The following MGMT variants were observed in gnomAD, a reference collection of about 807,000 sequenced individuals.
MGMT encodes O-6-methylguanine-DNA methyltransferase, also known as methylated-DNA--protein-cysteine methyltransferase.
MGMT carries 14 observed loss-of-function variants against 15.9 expected under a neutral mutation model. The observed-to-expected ratio is 0.88, with a 90% CI of 0.58 to 1.37. The LOEUF is 1.37. MGMT is among the 40% of genes most tolerant of loss of function. The probability of loss-of-function intolerance (pLI) is 0.00; values close to 1 mark genes in which losing one functional copy is unlikely to be tolerated. For missense variants in MGMT, 282 were observed against 268.1 expected (o/e 1.05, Z -0.36); for synonymous variants, 130 against 118.2 (o/e 1.10, Z -0.65).
At chr10:129,685,554 C>T (rs540748949) in intron 2 of MGMT, among the ~76,000 whole-genome samples, 7 of 152,208 alleles carry the variant, frequency 4.6e-5, no homozygotes, top group Non-Finnish European at 8.8e-5. Flanking sequence ...CCTTTCGGCT[C>T]AGCCCCACTT....
Position 129,767,114 on chromosome 10 carries a change from C to T in MGMT, c.*117C>T, listed in dbSNP as rs1160928069. On this transcript the variant is annotated 3_prime_UTR_variant, in exon 5 of 5. Coordinates refer to ENST00000651593, the MANE Select transcript of MGMT (RefSeq NM_002412.5). ...GGCAGTGTCCTGGGAACAAGCGTGTCTGCCCTTTCTGTTTCCATATTTTAC... is the reference window on the plus strand; with the variant it reads ...GGCAGTGTCCTGGGAACAAGCGTGTTTGCCCTTTCTGTTTCCATATTTTAC... 3.5e-6 allele frequency: 3 copies of T among 861,312 alleles called. No homozygotes were observed. The highest frequency in any genetic ancestry group is 5.2e-6 in the Non-Finnish European group (3 of 579,526). The allele number at this position is 861,312 out of a possible 1,614,324, so 53.4% of individuals were successfully genotyped here. A position where few individuals can be genotyped will look rare whatever the true frequency, so the allele number is the denominator to read the frequency against.
chr10:129,491,281 C>G (rs2119656937), intron 1 of MGMT, among the ~76,000 whole-genome samples: 1 of 152,242 alleles, frequency 6.6e-6, no homozygotes, highest in Admixed American at 6.5e-5. Flanking sequence ...ATTCCATCGT[C>G]TTCTGGTTTC....
intron 3 of MGMT, among the ~76,000 whole-genome samples, chr10:129,725,400 T>C (rs913117): frequency 0.62 from 94,469 of 152,198 alleles, 29,697 homozygotes; most frequent in Middle Eastern, 0.74. Flanking sequence ...GTGGATCAAA[T>C]GATGAAGGCA....
chr10:129,631,190 A>C (rs474937), intron 2 of MGMT, among the ~76,000 whole-genome samples: 151,813 of 152,160 alleles, frequency 1, 75,734 homozygotes, highest in Middle Eastern at 1. Context: ...GATCCCATTT[A>C]TTAGGAATTT....
intron 1 of MGMT, among the ~76,000 whole-genome samples, chr10:129,522,959 C>T (rs1845829605): frequency 6.6e-6 from 1 of 152,270 alleles, no homozygotes; most frequent in African/African-American, 2.4e-5. Context: ...AGTGAAACTT[C>T]ACCCAACTTT....
At chr10:129,764,854 G>C (rs3793911) in intron 4 of MGMT, among the ~76,000 whole-genome samples, 1 of 152,094 alleles carries the variant, frequency 6.6e-6, no homozygotes, top group Non-Finnish European at 1.5e-5. Context: ...GAGAGGCCCC[G>C]GGTCTGCAGC....
rs1334064777 is a variant in MGMT at position 129,467,284 on chromosome 10, C to A, written c.-25C>A. 3 of 1,543,402 alleles carry A rather than the reference C, an allele frequency of 1.9e-6. No homozygotes were observed. The highest frequency in any genetic ancestry group is 2.6e-6 in the Non-Finnish European group (3 of 1,144,976). On this transcript the variant is annotated 5_prime_UTR_variant, in exon 1 of 5. Coordinates refer to ENST00000651593, the MANE Select transcript of MGMT (RefSeq NM_002412.5). ...GCCCGCAGGTCCTCGCGGTGCGCAC[C>A]GTTTGCGACTTGGTGAGTGTCTGGG... is the stretch of plus-strand genomic sequence containing the variant.
chr10:129,541,313 C>A (rs1846040354), intron 2 of MGMT, among the ~76,000 whole-genome samples: 1 of 152,224 alleles, frequency 6.6e-6, no homozygotes, highest in African/African-American at 2.4e-5. Flanking sequence ...AACTGCCTGA[C>A]AGTATCAGGT....
At chr10:129,758,113 A>G (rs1370900485) in intron 3 of MGMT, among the ~76,000 whole-genome samples, 1 of 152,212 alleles carries the variant, frequency 6.6e-6, no homozygotes, top group African/African-American at 2.4e-5. Context: ...TATAATAAAG[A>G]CTAAACAGAT....
At chr10:129,582,283 G>C (rs1302164332) in intron 2 of MGMT, among the ~76,000 whole-genome samples, 1 of 152,196 alleles carries the variant, frequency 6.6e-6, no homozygotes, top group Non-Finnish European at 1.5e-5. Flanking sequence ...TGACCATTGT[G>C]ATCTGAACAA....
At chr10:129,521,393 C>T (rs1302172845) in intron 1 of MGMT, among the ~76,000 whole-genome samples, 9 of 152,182 alleles carry the variant, frequency 5.9e-5, no homozygotes. Flanking sequence ...GGCCTCACAG[C>T]TCACTGCAAT....
chr10:129,511,239 G>T (rs1008192664), intron 1 of MGMT, among the ~76,000 whole-genome samples: 49 of 150,666 alleles, frequency 3.3e-4, no homozygotes, highest in African/African-American at 1.2e-3. Context: ...CCTGTGATGG[G>T]AACCCCGTAT....
At chr10:129,496,266 C>T (rs983667826) in intron 1 of MGMT, among the ~76,000 whole-genome samples, 1 of 152,172 alleles carries the variant, frequency 6.6e-6, no homozygotes, top group Admixed American at 6.5e-5. Context: ...GACTTCGTTC[C>T]ATCCCGCTCC....
At chr10:129,525,889 G>T (rs1443476888) in intron 1 of MGMT, among the ~76,000 whole-genome samples, 1 of 152,192 alleles carries the variant, frequency 6.6e-6, no homozygotes, top group African/African-American at 2.4e-5. Flanking sequence ...CCCGTGTTAG[G>T]CCCCCACCAG....
intron 2 of MGMT, among the ~76,000 whole-genome samples, chr10:129,669,565 A>G (rs926043033): frequency 2.0e-5 from 3 of 151,270 alleles, no homozygotes; most frequent in Non-Finnish European, 4.4e-5. Context: ...TTCTTTCAGC[A>G]TGGCATTACA....
Position 129,587,862 on chromosome 10 carries a change from A to T in MGMT, c.125+51485A>T, listed in dbSNP as rs1846635561. Among the ~76,000 whole-genome samples the T allele has an allele frequency of 2.0e-5, 3 of 151,774 alleles. No homozygotes were observed. In the South Asian group the frequency reaches 6.2e-4, roughly 32 times the overall value. On this transcript the variant is annotated intron_variant, in intron 2 of 4. Coordinates refer to ENST00000651593, the MANE Select transcript of MGMT (RefSeq NM_002412.5). ...GTTTTGATTTTTTTCTCCTCCTAGC[A>T]GTTGTATTTTTATTCTTTTATGCTT...
chr10:129,550,311 G>C (rs1241114122), intron 2 of MGMT, among the ~76,000 whole-genome samples: 1 of 150,804 alleles, frequency 6.6e-6, no homozygotes, highest in South Asian at 2.1e-4. Flanking sequence ...ACAGTGTTCC[G>C]CAGCCACCAC....
intron 3 of MGMT, among the ~76,000 whole-genome samples, chr10:129,717,314 T>C (rs1026068425): frequency 1.3e-5 from 2 of 152,242 alleles, no homozygotes; most frequent in African/African-American, 4.8e-5. Flanking sequence ...GTACCTGCTC[T>C]GAATAGCAGA....
chr10:129,707,422 T>C (rs1043139271), intron 2 of MGMT, among the ~76,000 whole-genome samples: 7 of 151,604 alleles, frequency 4.6e-5, no homozygotes, highest in Admixed American at 1.3e-4. Context: ...ATCAGGGGAC[T>C]GCAGGTAAAC....
Sources: allele counts gnomAD v4.1 joint callset (sites outside exome capture counted in the v4.1 genomes callset), GRCh38; gene constraint gnomAD v4.1.1; transcripts MANE v1.5; gene names NCBI Gene and HGNC (gene_info 2026-07-23, HGNC 2026-07-21).